Variants in RELCH observed in about 807,000 individuals in gnomAD.
RELCH encodes RAB11-binding protein RELCH.
Under a neutral mutation model 150.3 loss-of-function variants are expected in RELCH, and 41 were observed. The ratio of observed to expected loss-of-function variants is 0.27; its 90% CI spans 0.21 to 0.35. The LOEUF (loss-of-function observed/expected upper bound fraction) is 0.35. Ranked by LOEUF, RELCH falls within the 10% of genes least tolerant of loss-of-function variation. RELCH has a pLI of 1.00. For synonymous variants in RELCH, 478 were observed against 531.8 expected (o/e 0.90, Z 1.39); for missense variants, 1,092 against 1,467.8 (o/e 0.74, Z 4.18).
chr18:62,256,034 C>T (rs915950407), intron 13 of RELCH, among the ~76,000 whole-genome samples: 34 of 152,052 alleles, frequency 2.2e-4, no homozygotes, highest in Admixed American at 3.3e-4. Flanking sequence ...GTGAAGCATG[C>T]ATCTTTTTAA....
intron 25 of RELCH, among the ~76,000 whole-genome samples, chr18:62,283,291 CAG>C (rs980753382): frequency 8.7e-4 from 132 of 152,274 alleles, no homozygotes; most frequent in African/African-American, 2.8e-3. Flanking sequence ...CTAGATTTTA[CAG>C]AGTCTCTTTT....
At chr18:62,213,063 G>C (rs1195610091) in intron 2 of RELCH, among the ~76,000 whole-genome samples, 1 of 152,036 alleles carries the variant, frequency 6.6e-6, no homozygotes, top group East Asian at 1.9e-4. Context: ...TATCAAAGTG[G>C]CAAATCACAT....
At chr18:62,272,501 A>C (rs1431064279) in intron 20 of RELCH, among the ~76,000 whole-genome samples, 4 of 152,130 alleles carry the variant, frequency 2.6e-5, no homozygotes, top group Non-Finnish European at 4.4e-5. Flanking sequence ...TATGTTATTC[A>C]TATCTGTAAA....
chr18:62,229,516 GTGTGTCTGTC>G (rs1173060216), intron 8 of RELCH, among the ~76,000 whole-genome samples: 1 of 148,186 alleles, frequency 6.7e-6, no homozygotes, highest in Non-Finnish European at 1.5e-5. Flanking sequence ...GTGTGTGTGT[GTGTGTCTGTC>G]TGTCTGTCTG....
chr18:62,190,578 A>AAAAT (rs560217666), intron 1 of RELCH, among the ~76,000 whole-genome samples: 4 of 152,160 alleles, frequency 2.6e-5, no homozygotes, highest in Non-Finnish European at 4.4e-5. Flanking sequence ...CTCCATCTCA[A>AAAAT]AAATAAATAA....
intron 28 of RELCH, among the ~76,000 whole-genome samples, chr18:62,304,860 C>CA (rs2045817947): frequency 6.6e-6 from 1 of 152,054 alleles, no homozygotes; most frequent in Non-Finnish European, 1.5e-5. Context: ...GGACATCCCC[C>CA]AAAAAAGGAA....
At chr18:62,261,478 A>C in intron 15 of RELCH, 33 bp from the exon 16 acceptor site, 1 of 1,602,536 alleles carries the variant, frequency 6.2e-7, no homozygotes, top group African/African-American at 1.3e-5. Context: ...ACTTCAAAAG[A>C]CTAAAATTAG....
At chr18:62,288,013 A>G (rs2044903647) in intron 26 of RELCH, among the ~76,000 whole-genome samples, 1 of 152,162 alleles carries the variant, frequency 6.6e-6, no homozygotes, top group African/African-American at 2.4e-5. Context: ...TGATTAAACT[A>G]AGGCTTAAAG....
rs2044897876 is a variant in RELCH, at chr18:62,287,942, A to G, written c.3370+475A>G. 3.3e-5 allele frequency among the ~76,000 whole-genome samples: 5 copies of G among 152,150 alleles called. No homozygotes were observed. The South Asian group carries it at 1.0e-3, about 31-fold the overall frequency. On this transcript the variant is annotated intron_variant, in intron 26 of 28. Coordinates refer to ENST00000644646, the MANE Select transcript of RELCH (RefSeq NM_001346231.2). ...AGGGCCAACAAAGCTAATGATCTCC[A>G]GTGATTGTAGAACTGGGAGAAAACT...
chr18:62,280,573 CT>C (rs1463070749), intron 23 of RELCH, 72 bp from the exon 24 acceptor site: 1 of 1,318,592 alleles, frequency 7.6e-7, no homozygotes. Context: ...CTTGTACTTA[CT>C]TTAATATACA....
In RELCH at chr18:62,258,027, C is replaced by A; in HGVS notation, c.1976C>A (p.Ala659Asp). The change falls in exon 14 of 29, where the codon GCT (alanine) becomes GAT (aspartate). Residue 659 changes from alanine (A) to aspartate (D), a missense_variant. Ala to Asp is a moderately radical substitution (Grantham distance 126). Transcript: ENST00000644646. ...MEDKADLVRE[A>D]VIKSLGIIMG... ...GATAAGGCAGATTTGGTAAGAGAAG[C>A]TGTTATCAAAAGCCTTGGTATCATT... The A allele has an allele frequency of 6.2e-7, 1 of 1,607,884 alleles. No individual in the cohort carries two copies. Among genetic ancestry groups the A allele is most frequent in the Non-Finnish European group, 8.5e-7 (1 of 1,176,382 alleles).
rs186038740 is a variant in RELCH at position 62,191,970 on chromosome 18, C to G, written c.526+3939C>G. On this transcript the variant is annotated intron_variant, in intron 1 of 28. Transcript: ENST00000644646. ...GTTCTAGATCTTAGAGGAATCACCA[C>G]GCTGTCTTCCACAATGGTTTAACTA... 8.7e-4 allele frequency among the ~76,000 whole-genome samples: 133 copies of G among 152,284 alleles called. 2 individuals carry two copies. The highest frequency in any genetic ancestry group is 3.4e-3 in the Middle Eastern group (1 of 294).
chr18:62,288,233 G>T (rs1459638088), intron 26 of RELCH, among the ~76,000 whole-genome samples: 6 of 152,036 alleles, frequency 3.9e-5, no homozygotes, highest in Non-Finnish European at 8.8e-5. Flanking sequence ...GGAAATGAGA[G>T]ATTGAAAAAA....
intron 2 of RELCH, among the ~76,000 whole-genome samples, chr18:62,212,641 T>G (rs1418024835): frequency 6.6e-6 from 1 of 152,206 alleles, no homozygotes; most frequent in Non-Finnish European, 1.5e-5. Flanking sequence ...ATTAACTCAC[T>G]GAGTTATAGA....
intron 11 of RELCH, among the ~76,000 whole-genome samples, chr18:62,245,170 T>C (rs2042339015): frequency 6.6e-6 from 1 of 152,184 alleles, no homozygotes; most frequent in Non-Finnish European, 1.5e-5. Context: ...GAAATCACTC[T>C]AAGAAATTTA....
At chr18:62,250,842 G>C (rs570552115) in intron 11 of RELCH, among the ~76,000 whole-genome samples, 1 of 152,152 alleles carries the variant, frequency 6.6e-6, no homozygotes. Context: ...ATGCCTAGAC[G>C]TAAAGTACTG....
chr18:62,191,226 A>G (rs146807596), intron 1 of RELCH, among the ~76,000 whole-genome samples: 5 of 152,356 alleles, frequency 3.3e-5, no homozygotes, highest in African/African-American at 1.2e-4. Flanking sequence ...ACCAATGTAC[A>G]AGAGTTCCAG....
intron 27 of RELCH, among the ~76,000 whole-genome samples, chr18:62,297,320 GC>G (rs1568449330): frequency 1.3e-5 from 2 of 152,150 alleles, no homozygotes; most frequent in Non-Finnish European, 2.9e-5. Flanking sequence ...GTCTACTGAT[GC>G]ATAAAGAGAT....
At position 62,307,602 on chromosome 18, in the gene RELCH, C is replaced by T. The variant is rs570214643; in HGVS notation, c.*2068C>T. On this transcript the variant is annotated 3_prime_UTR_variant, in exon 29 of 29. Transcript: ENST00000644646. ...TTGTTTTTAGTAAAATATGTCTTGT[C>T]TTTACAGACAAGACAGACACTAATC... 2.1e-3 allele frequency: 313 copies of T among 151,958 alleles called. No individual in the cohort carries two copies. The highest frequency in any genetic ancestry group is 7.2e-3 in the African/African-American group (298 of 41,446). 9.4% of individuals were successfully genotyped at this position (151,958 alleles called of 1,614,324 possible). A position where few individuals can be genotyped will look rare whatever the true frequency, so the allele number is the denominator to read the frequency against.
Sources: gnomAD v4.1 joint callset for allele counts (sites outside exome capture counted in the v4.1 genomes callset) on GRCh38, gnomAD v4.1.1 for gene constraint, MANE v1.5 for transcripts, NCBI Gene and HGNC (gene_info 2026-07-23, HGNC 2026-07-21) for gene names.